Variants in SDK1 observed in about 807,000 individuals in gnomAD.
The protein encoded by SDK1 is protein sidekick-1.
A neutral mutation model predicts 245.5 loss-of-function variants in SDK1; 157 were observed. That is an observed-to-expected ratio of 0.64 (90% confidence interval 0.56 to 0.73). The LOEUF is 0.73. Among genes scored for constraint, SDK1 ranks in the 30% least tolerant of loss-of-function variants. The probability of loss-of-function intolerance (pLI) is 0.00; values close to 1 mark genes in which losing one functional copy is unlikely to be tolerated. For missense variants in SDK1, 3,583 were observed against 3,002.3 expected (o/e 1.19, Z -4.52); for synonymous variants, 1,647 against 1,278.5 (o/e 1.29, Z -6.15).
intron 1 of SDK1, among the ~76,000 whole-genome samples, chr7:3,309,524 A>ATTTTTTTTTTTTTTTTTTTTTTTTTTT (rs59762021): frequency 7.9e-6 from 1 of 127,318 alleles, no homozygotes. Flanking sequence ...CTAGAAAAAG[A>ATTTTTTTTTTTTTTTTTTTTTTTTTTT]TTTTTTTTTT....
intron 5 of SDK1, among the ~76,000 whole-genome samples, chr7:3,894,592 A>T (rs140017642): frequency 3.4e-4 from 52 of 152,224 alleles, no homozygotes; most frequent in African/African-American, 1.2e-3. Context: ...CCCAGTGCAT[A>T]TTCCTGGAGA....
chr7:3,674,645 A>C (rs947840161), intron 4 of SDK1, among the ~76,000 whole-genome samples: 3 of 152,184 alleles, frequency 2.0e-5, no homozygotes, highest in Non-Finnish European at 4.4e-5. Flanking sequence ...AATACGGACA[A>C]AGGGCAGTGA....
chr7:3,935,828 A>G (rs1451382021), intron 5 of SDK1, among the ~76,000 whole-genome samples: 2 of 152,234 alleles, frequency 1.3e-5, no homozygotes, highest in South Asian at 2.1e-4. Context: ...GGAAAACAGC[A>G]TGGTAGTTCC....
intron 22 of SDK1, among the ~76,000 whole-genome samples, chr7:4,101,639 T>C (rs1375759677): frequency 1.3e-5 from 2 of 152,084 alleles, no homozygotes; most frequent in African/African-American, 4.8e-5. Flanking sequence ...GACGATGGTG[T>C]CGTGACCAGA....
chr7:4,102,139 C>T (rs1192171736), intron 22 of SDK1, among the ~76,000 whole-genome samples: 1 of 152,178 alleles, frequency 6.6e-6, no homozygotes, highest in African/African-American at 2.4e-5. Context: ...AGCACAGCGT[C>T]GAGTCCCCTG....
intron 16 of SDK1, among the ~76,000 whole-genome samples, chr7:4,015,794 A>G (rs1786348779): frequency 6.6e-6 from 1 of 152,176 alleles, no homozygotes; most frequent in African/African-American, 2.4e-5. Flanking sequence ...CAAGAGACAG[A>G]AGGAGGCCCG....
chr7:3,948,490 C>T (rs180997559), intron 5 of SDK1, among the ~76,000 whole-genome samples: 3 of 152,252 alleles, frequency 2.0e-5, no homozygotes, highest in Non-Finnish European at 2.9e-5. Flanking sequence ...TCTCGATCTC[C>T]TGACCTCGTG....
chr7:4,008,288 TC>T (rs1245529570), intron 14 of SDK1, among the ~76,000 whole-genome samples: 1 of 152,262 alleles, frequency 6.6e-6, no homozygotes, highest in Non-Finnish European at 1.5e-5. Context: ...CATTCATCCA[TC>T]GGTGGGCAGT....
intron 1 of SDK1, among the ~76,000 whole-genome samples, chr7:3,493,239 C>G (rs1388563141): frequency 1.3e-5 from 2 of 151,564 alleles, no homozygotes; most frequent in Non-Finnish European, 2.9e-5. Context: ...GCGTCAACCA[C>G]CATGCCTGGC....
intron 1 of SDK1, among the ~76,000 whole-genome samples, chr7:3,599,876 T>C (rs999236097): frequency 2.6e-5 from 4 of 152,224 alleles, no homozygotes; most frequent in Non-Finnish European, 5.9e-5. Context: ...GAAGAGTGAT[T>C]CCTCATATTA....
At chr7:3,308,178 T>C (rs1779465849) in intron 1 of SDK1, among the ~76,000 whole-genome samples, 1 of 152,108 alleles carries the variant, frequency 6.6e-6, no homozygotes, top group South Asian at 2.1e-4. Context: ...GAGAAATAAA[T>C]TTTCTTAAAA....
chr7:3,319,100 G>A (rs1327889175), intron 1 of SDK1, among the ~76,000 whole-genome samples: 1 of 152,294 alleles, frequency 6.6e-6, no homozygotes, highest in South Asian at 2.1e-4. Flanking sequence ...TGACAACTCT[G>A]GCAGTGGGGC....
chr7:4,096,591 T>G (rs1782163186), intron 22 of SDK1, among the ~76,000 whole-genome samples: 1 of 152,038 alleles, frequency 6.6e-6, no homozygotes, highest in Admixed American at 6.6e-5. Flanking sequence ...TATTAGACAT[T>G]TAATAAATGG....
In SDK1 at chr7:3,821,573, G is replaced by C. The variant is rs775390254; in HGVS notation, c.837G>C (p.Leu279Phe). The C allele has an allele frequency of 6.2e-7, 1 of 1,613,196 alleles. No individual in the cohort carries two copies. The highest frequency in any genetic ancestry group is 2.2e-5 in the East Asian group (1 of 44,826). The change falls in exon 5 of 45, where the codon TTG becomes TTC. Residue 279 changes from leucine (L) to phenylalanine (F), a missense_variant. By Grantham distance (22) the Leu-to-Phe change is conservative. Coordinates refer to ENST00000404826, the MANE Select transcript of SDK1 (RefSeq NM_152744.4). ...ACAAGACAAGCCCATTCATTCATTT[G>C]AGCATAGCAAGTGAGTTTTGAAATC... ...GENKTSPFIH[L>F]SIARDVGTPE...
At position 4,017,300 on chromosome 7, in the gene SDK1, G is replaced by A. The variant is rs1221980693; in HGVS notation, c.2550G>A (p.Gly850=). 1.9e-6 allele frequency: 3 copies of A among 1,613,818 alleles called. No individual in the cohort carries two copies. The highest frequency in any genetic ancestry group is 2.5e-6 in the Non-Finnish European group (3 of 1,179,910). The change falls in exon 17 of 45, where the codon GGG becomes GGA. Residue 850 remains glycine, a synonymous_variant. Transcript: ENST00000404826. ...QYEIQVAAYN[G]AGLGVFSRAV... is the part of the protein sequence containing the mutation. ...AGATACAGGTGGCGGCGTACAACGG[G>A]GCCGGTCTGGGCGTCTTCAGCAGGG...
intron 14 of SDK1, among the ~76,000 whole-genome samples, chr7:3,990,696 A>G (rs1386799602): frequency 6.6e-6 from 1 of 152,136 alleles, no homozygotes; most frequent in Admixed American, 6.5e-5. Flanking sequence ...CATTCCCTGC[A>G]CTTAGTACGT....
intron 15 of SDK1, 87 bp from the exon 16 acceptor site, chr7:4,012,008 A>G: frequency 8.5e-7 from 1 of 1,180,806 alleles, no homozygotes; most frequent in Non-Finnish European, 1.1e-6. Context: ...GTCAGGCTCA[A>G]GATTCAGCAA....
At chr7:4,240,786 G>C (rs1014858466) in intron 42 of SDK1, among the ~76,000 whole-genome samples, 3 of 152,156 alleles carry the variant, frequency 2.0e-5, no homozygotes, top group Non-Finnish European at 2.9e-5. Context: ...GGTCGCCTCT[G>C]GTCTCAGGGC....
chr7:4,226,728 A>G (rs1366764400), intron 40 of SDK1, among the ~76,000 whole-genome samples: 1 of 152,216 alleles, frequency 6.6e-6, no homozygotes, highest in Non-Finnish European at 1.5e-5. Context: ...CCTGGAAGGC[A>G]CTGGAAACTA....
Sources: gnomAD v4.1 joint callset for allele counts (sites outside exome capture counted in the v4.1 genomes callset) on GRCh38, gnomAD v4.1.1 for gene constraint, MANE v1.5 for transcripts, NCBI Gene and HGNC (gene_info 2026-07-23, HGNC 2026-07-21) for gene names.